The following TMPRSS3 variants were observed in gnomAD, a reference collection of about 807,000 sequenced individuals.
The protein encoded by TMPRSS3 is transmembrane protease serine 3.
In TMPRSS3, 55 loss-of-function variants were observed where a neutral mutation model predicts 59.6. The ratio of observed to expected loss-of-function variants is 0.92; its 90% CI spans 0.74 to 1.16. TMPRSS3 has a LOEUF of 1.16. Among genes scored for constraint, TMPRSS3 ranks in the 50% most tolerant of loss-of-function variants. The pLI, the probability that TMPRSS3 is intolerant of heterozygous loss-of-function variation, is 0.00. For synonymous variants in TMPRSS3, 257 were observed against 237.7 expected (o/e 1.08, Z -0.75); for missense variants, 596 against 579.4 (o/e 1.03, Z -0.29).
Position 42,388,297 on chromosome 21 carries a change from G to A in TMPRSS3, c.446+106C>T, listed in dbSNP as rs1463738436. 6.8e-7 allele frequency: 1 copy of A among 1,477,506 alleles called. No homozygotes were observed. Among genetic ancestry groups the A allele is most frequent in the African/African-American group, 1.4e-5 (1 of 72,282 alleles). The allele number at this position is 1,477,506 out of a possible 1,614,324, so 91.5% of individuals were successfully genotyped here. A position where few individuals can be genotyped will look rare whatever the true frequency, so the allele number is the denominator to read the frequency against. Reference sequence around the variant, plus strand: ...TAAGGTGGATGTGAGGATGTAATCTGAGAGCGTTAAAGCACCCAATAGTGC... The same window carrying A: ...TAAGGTGGATGTGAGGATGTAATCTAAGAGCGTTAAAGCACCCAATAGTGC... On this transcript the variant is annotated intron_variant, in intron 5 of 12. Coordinates refer to ENST00000644384, the MANE Select transcript of TMPRSS3 (RefSeq NM_001256317.3). This position sits in a 1 kb window ranked among gnomAD's most constrained non-coding sequence, Gnocchi z 5.1.
intron 2 of TMPRSS3, among the ~76,000 whole-genome samples, chr21:42,392,733 C>A (rs548012272): frequency 5.7e-4 from 87 of 152,310 alleles, no homozygotes; most frequent in African/African-American, 2.1e-3. Context: ...GCCCACCCTT[C>A]GTCTTATACT....
chr21:42,382,047 A>G lies in TMPRSS3; in HGVS notation c.952+18T>C, dbSNP rs535549023. Reference sequence around the variant, plus strand: ...AACAAAGGAAGAGCTGCAGAACCACATAGAGACCCAGATGTACCATTGAAC... The same window carrying G: ...AACAAAGGAAGAGCTGCAGAACCACGTAGAGACCCAGATGTACCATTGAAC... On this transcript the variant is annotated intron_variant, in intron 9 of 12. Transcript: ENST00000644384. 6.2e-6 allele frequency: 10 copies of G among 1,614,244 alleles called. No individual in the cohort carries two copies. In the East Asian group the frequency reaches 2.0e-4, roughly 32 times the overall value.
In TMPRSS3 at chr21:42,395,779, A is replaced by T. The variant is rs372459872; in HGVS notation, c.-52+163T>A. 20 of 396,934 alleles carry T rather than the reference A, an allele frequency of 5.0e-5. No individual in the cohort carries two copies. The East Asian group carries it at 1.2e-3, about 23-fold the overall frequency. 24.6% of individuals were successfully genotyped at this position (396,934 alleles called of 1,614,324 possible). A position where few individuals can be genotyped will look rare whatever the true frequency, so the allele number is the denominator to read the frequency against. ...GATTGCTTTAGAGGGACTCCCTCTC[A>T]CCATTTAGAAGTTGCCATATTGCTA... On this transcript the variant is annotated intron_variant, in intron 1 of 12. Transcript: ENST00000644384.
In TMPRSS3 at chr21:42,389,975, C is replaced by T. The variant is rs928302; in HGVS notation, c.157G>A (p.Val53Ile). 122,939 of 1,613,530 alleles carry T rather than the reference C, an allele frequency of 0.076. 5,653 individuals are homozygous for T. The highest frequency in any genetic ancestry group is 0.24 in the East Asian group (10,562 of 44,862). The stretch of plus-strand genomic sequence containing the variant: ...AATATCAATGCAATGATCCCAATGA[C>T]GATGATTGGAAAAAACTTCAATGGC... ...LLPLKFFPII[V>I]IGIIALILAL... Residue 53 changes from valine to isoleucine, a missense_variant, in exon 3 of 13, where the codon GTC becomes ATC. Coordinates refer to ENST00000644384, the MANE Select transcript of TMPRSS3 (RefSeq NM_001256317.3).
intron 9 of TMPRSS3, among the ~76,000 whole-genome samples, chr21:42,380,792 C>A (rs759651311): frequency 6.6e-6 from 1 of 152,238 alleles, no homozygotes; most frequent in Admixed American, 6.5e-5. Context: ...GCCAGAGTGC[C>A]CTGCACATAC....
chr21:42,375,767 C>G lies in TMPRSS3; in HGVS notation c.1293G>C (p.Gly431=), dbSNP rs369050452. 3.2e-5 allele frequency: 51 copies of G among 1,613,634 alleles called. No individual in the cohort carries two copies. Among genetic ancestry groups the G allele is most frequent in the African/African-American group, 4.0e-5 (3 of 74,908 alleles). Reference sequence around the variant, plus strand: ...GGAAGGAGGTGACACGGGTGTACACCCCAGGCTTGTTCACCTCTGCGCAGC... The same window carrying G: ...GGAAGGAGGTGACACGGGTGTACACGCCAGGCTTGTTCACCTCTGCGCAGC... ...GIGCAEVNKP[G]VYTRVTSFLD... The change falls in exon 12 of 13, where the codon GGG becomes GGC. Residue 431 remains glycine (G), a synonymous_variant. Transcript: ENST00000644384.
chr21:42,388,865 G>A lies in TMPRSS3; in HGVS notation c.322+64C>T, dbSNP rs937705311. On this transcript the variant is annotated intron_variant, in intron 4 of 12. Transcript: ENST00000644384. The surrounding 1 kb of genome is among the most constrained non-coding windows in gnomAD (Gnocchi z 5.1). Reference sequence around the variant, plus strand: ...TGACTTGGACCCATTTTACAGATGGGAAGGGTCAGGGTTGGCTTCTGCTGC... The same window carrying A: ...TGACTTGGACCCATTTTACAGATGGAAAGGGTCAGGGTTGGCTTCTGCTGC... 6.5e-6 allele frequency: 9 copies of A among 1,386,632 alleles called. No individual in the cohort carries two copies. The highest frequency in any genetic ancestry group is 1.2e-5 in the South Asian group (1 of 86,652). The allele number at this position is 1,386,632 out of a possible 1,614,324, so 85.9% of individuals were successfully genotyped here.
At chr21:42,395,597 A>G in intron 1 of TMPRSS3, 129 bp from the exon 2 acceptor site, 3 of 664,940 alleles carry the variant, frequency 4.5e-6, no homozygotes, top group East Asian at 5.7e-5. Flanking sequence ...TCGATTAACC[A>G]AAAACAGTCA....
chr21:42,388,503 C>A lies in TMPRSS3; in HGVS notation c.346G>T (p.Val116Leu). The change falls in exon 5 of 13, where the codon GTG (valine) becomes TTG (leucine). Residue 116 changes from valine to leucine, a missense_variant. Physicochemically the swap from Val to Leu is conservative, Grantham distance 32. Coordinates refer to ENST00000644384, the MANE Select transcript of TMPRSS3 (RefSeq NM_001256317.3). This position sits in a 1 kb window ranked among gnomAD's most constrained non-coding sequence, Gnocchi z 5.1. ...RCVRVGGQNA[V>L]LQVFTAASWK... ...GAAGCAGCTGTGAACACCTGGAGCA[C>A]GGCATTCTGACCACCCACCCGGACT... The A allele has an allele frequency of 6.2e-7, 1 of 1,614,178 alleles. No homozygotes were observed. The highest frequency in any genetic ancestry group is 8.5e-7 in the Non-Finnish European group (1 of 1,180,038).
chr21:42,388,461 A>G lies in TMPRSS3; in HGVS notation c.388T>C (p.Ser130Pro). The G allele has an allele frequency of 6.2e-7, 1 of 1,614,220 alleles. No homozygotes were observed. The highest frequency in any genetic ancestry group is 8.5e-7 in the Non-Finnish European group (1 of 1,180,040). The change falls in exon 5 of 13, where the codon TCC (serine) becomes CCC (proline). Residue 130 changes from serine (S) to proline (P), a missense_variant. By Grantham distance (74) the Ser-to-Pro change is moderately conservative. Transcript: ENST00000644384. The surrounding 1 kb of genome is among the most constrained non-coding windows in gnomAD (Gnocchi z 5.1). The stretch of plus-strand genomic sequence containing the variant: ...GCGTAGTGACCCTTCCAGTCATCGG[A>G]GCACATGGTCTTCCACGAAGCAGCT... ...FTAASWKTMC[S>P]DDWKGHYANV... is the part of the protein sequence containing the mutation.
In TMPRSS3 at chr21:42,385,448, T is replaced by C; in HGVS notation, c.533A>G (p.Asp178Gly). Residue 178 changes from aspartate (D) to glycine (G), a missense_variant, in exon 6 of 13, where the codon GAT becomes GGT. Physicochemically the swap from Asp to Gly is moderately conservative, Grantham distance 94. Transcript: ENST00000644384. ...EFVSIDHLLPDDKVTALHHSV... is the reference protein window; with the variant it reads ...EFVSIDHLLPGDKVTALHHSV... ...GTGGTGTAATGCAGTCACCTTGTCA[T>C]CTGGCAAGAGGTGATCGATGGACAC... 6.2e-7 allele frequency: 1 copy of C among 1,614,152 alleles called. No homozygotes were observed. Among genetic ancestry groups the C allele is most frequent in the Non-Finnish European group, 8.5e-7 (1 of 1,180,018 alleles).
chr21:42,392,931 TC>T (rs2052751959), intron 2 of TMPRSS3, among the ~76,000 whole-genome samples: 1 of 152,368 alleles, frequency 6.6e-6, no homozygotes, highest in Non-Finnish European at 1.5e-5. Flanking sequence ...GCCCCACGCC[TC>T]CTCTGTGCTT....
At chr21:42,395,206 G>A (rs2052786704) in intron 2 of TMPRSS3, 118 bp downstream of exon 2, 2 of 852,488 alleles carry the variant, frequency 2.3e-6, no homozygotes, top group Non-Finnish European at 3.9e-6. Context: ...CAGGTGTCCA[G>A]CCTGTGGGTG....
intron 12 of TMPRSS3, among the ~76,000 whole-genome samples, chr21:42,374,803 T>A (rs2052393200): frequency 6.6e-6 from 1 of 152,150 alleles, no homozygotes; most frequent in African/African-American, 2.4e-5. Context: ...TCTTGGAAAC[T>A]ACGACTTTAA....
intron 2 of TMPRSS3, among the ~76,000 whole-genome samples, chr21:42,390,816 C>T (rs998545747): frequency 3.3e-5 from 5 of 152,138 alleles, no homozygotes; most frequent in African/African-American, 9.7e-5. Flanking sequence ...AGGCAGAAGC[C>T]AGCCTCATGA....
chr21:42,388,398 C>A lies in TMPRSS3; in HGVS notation c.446+5G>T. The A allele has an allele frequency of 1.2e-6, 2 of 1,614,240 alleles. No individual in the cohort carries two copies. Among genetic ancestry groups the A allele is most frequent in the Non-Finnish European group, 1.7e-6 (2 of 1,180,048 alleles). ...CCCATGGGTTGGAAATGCTCTTTAACTTACCTTGGGAAACCCAGTTGGGCA... is the reference window on the plus strand; with the variant it reads ...CCCATGGGTTGGAAATGCTCTTTAAATTACCTTGGGAAACCCAGTTGGGCA... On this transcript the variant is annotated splice_donor_5th_base_variant and intron_variant, in intron 5 of 12. Transcript: ENST00000644384. This position sits in a 1 kb window ranked among gnomAD's most constrained non-coding sequence, Gnocchi z 5.1.
chr21:42,373,153 C>T (rs1383646288), intron 12 of TMPRSS3, among the ~76,000 whole-genome samples: 2 of 152,184 alleles, frequency 1.3e-5, no homozygotes, highest in African/African-American at 4.8e-5. Flanking sequence ...GGGCATGCCA[C>T]CAACTAGCAC....
At chr21:42,391,458 T>G (rs186975736) in intron 2 of TMPRSS3, among the ~76,000 whole-genome samples, 109 of 152,176 alleles carry the variant, frequency 7.2e-4, no homozygotes, top group African/African-American at 2.4e-3. Context: ...CCTTGGAAGA[T>G]ACAGATAGCG....
chr21:42,389,026 C>T lies in TMPRSS3; in HGVS notation c.225G>A (p.Gly75=). 6.2e-7 allele frequency: 1 copy of T among 1,614,200 alleles called. No homozygotes were observed. The highest frequency in any genetic ancestry group is 8.5e-7 in the Non-Finnish European group (1 of 1,180,022). The change falls in exon 4 of 13, where the codon GGG becomes GGA. Residue 75 remains glycine, a synonymous_variant. Transcript: ENST00000644384. ...IGLGIHFDCS[G]KYRCRSSFKC... ...TAAAGGATGAGCGACATCTGTACTTCCCTGAGCAGTCGAAGTGGACTGGGA... is the reference window on the plus strand; with the variant it reads ...TAAAGGATGAGCGACATCTGTACTTTCCTGAGCAGTCGAAGTGGACTGGGA...
Sources: allele counts gnomAD v4.1 joint callset (sites outside exome capture counted in the v4.1 genomes callset), GRCh38; gene constraint gnomAD v4.1.1; non-coding constraint Gnocchi (gnomAD v3.1); transcripts MANE v1.5; gene names NCBI Gene and HGNC (gene_info 2026-07-23, HGNC 2026-07-21).